ZNF385D: variants seen among roughly 807,000 people sequenced by gnomAD.
ZNF385D encodes the protein zinc finger protein 659.
ZNF385D carries 15 observed loss-of-function variants against 35.8 expected under a neutral mutation model. That is an observed-to-expected ratio of 0.42 (90% CI 0.28 to 0.64). ZNF385D has a LOEUF of 0.64. Ranked by LOEUF, ZNF385D falls within the 30% of genes least tolerant of loss-of-function variation. The pLI is 0.23. For synonymous variants in ZNF385D, 212 were observed against 186.8 expected (o/e 1.13, Z -1.10); for missense variants, 474 against 494.6 (o/e 0.96, Z 0.39).
intron 3 of ZNF385D, among the ~76,000 whole-genome samples, chr3:22,127,315 T>G (rs1246364053): frequency 1.2e-4 from 16 of 137,862 alleles, no homozygotes; most frequent in African/African-American, 4.0e-4. Context: ...TTTCATTTCC[T>G]GCTTTTTTTT....
intron 1 of ZNF385D, among the ~76,000 whole-genome samples, chr3:21,712,022 G>C (rs1575511235): frequency 6.6e-6 from 1 of 152,070 alleles, no homozygotes; most frequent in Admixed American, 6.6e-5. Flanking sequence ...TTATTTATTT[G>C]GTGAAGGATT....
chr3:21,609,898 A>T (rs2064614436), intron 2 of ZNF385D, among the ~76,000 whole-genome samples: 1 of 152,202 alleles, frequency 6.6e-6, no homozygotes. Flanking sequence ...GAGAGTCCTG[A>T]TGGGTATTTA....
intron 3 of ZNF385D, among the ~76,000 whole-genome samples, chr3:21,984,907 T>G (rs1016364752): frequency 1.5e-4 from 21 of 142,396 alleles, no homozygotes; most frequent in African/African-American, 5.2e-4. Flanking sequence ...GATTCCTAGG[T>G]ATTTTATTGT....
chr3:21,773,157 C>T (rs1442428997), intron 3 of ZNF385D, among the ~76,000 whole-genome samples: 1 of 151,732 alleles, frequency 6.6e-6, no homozygotes, highest in African/African-American at 2.4e-5. Flanking sequence ...ATTATGAATA[C>T]GTTTAATACC....
intron 2 of ZNF385D, among the ~76,000 whole-genome samples, chr3:21,650,357 T>C (rs1331910238): frequency 6.7e-6 from 1 of 149,842 alleles, no homozygotes; most frequent in Admixed American, 6.7e-5. Context: ...GTTGTTCTTT[T>C]AGCTTACTTG....
chr3:22,318,560 G>A (rs528577308), intron 2 of ZNF385D, among the ~76,000 whole-genome samples: 52 of 152,222 alleles, frequency 3.4e-4, no homozygotes, highest in African/African-American at 1.2e-3. Flanking sequence ...ATGAATTAGC[G>A]CTTAGTGAAT....
At chr3:21,731,019 G>A (rs1437045730) in intron 1 of ZNF385D, among the ~76,000 whole-genome samples, 1 of 151,794 alleles carries the variant, frequency 6.6e-6, no homozygotes, top group East Asian at 1.9e-4. Context: ...TAAACTTTTG[G>A]GAATATACAG....
intron 2 of ZNF385D, among the ~76,000 whole-genome samples, chr3:22,323,071 A>C (rs1052456042): frequency 5.3e-5 from 8 of 152,044 alleles, no homozygotes; most frequent in African/African-American, 1.9e-4. Context: ...AAATGCGTAA[A>C]AGTCCTCTGC....
chr3:21,697,166 G>T (rs1447480333), intron 1 of ZNF385D, among the ~76,000 whole-genome samples: 2 of 152,106 alleles, frequency 1.3e-5, no homozygotes, highest in Admixed American at 6.5e-5. Context: ...TTAAAGGGAG[G>T]TAGTAAAAGC....
intron 3 of ZNF385D, among the ~76,000 whole-genome samples, chr3:21,949,130 T>C (rs1701933545): frequency 6.6e-6 from 1 of 152,202 alleles, no homozygotes; most frequent in South Asian, 2.1e-4. Context: ...GACAATTCCT[T>C]TTATCATCTG....
At chr3:22,298,367 A>AGTAT (rs1273453521) in intron 2 of ZNF385D, among the ~76,000 whole-genome samples, 1 of 138,584 alleles carries the variant, frequency 7.2e-6, no homozygotes, top group Admixed American at 7.5e-5. Context: ...AGGAGAAAGC[A>AGTAT]GTATGTATGT....
intron 3 of ZNF385D, among the ~76,000 whole-genome samples, chr3:21,871,732 G>A (rs562708513): frequency 7.2e-5 from 11 of 152,058 alleles, no homozygotes; most frequent in East Asian, 1.9e-4. Flanking sequence ...CAGGCCGGGC[G>A]CAGTGGCTCA....
At chr3:21,531,575 C>A (rs1019677143) in intron 3 of ZNF385D, among the ~76,000 whole-genome samples, 1 of 152,098 alleles carries the variant, frequency 6.6e-6, no homozygotes, top group Non-Finnish European at 1.5e-5. Flanking sequence ...TTATTCAATG[C>A]TAAAAAGTAA....
chr3:21,623,563 A>G (rs1026963357), intron 2 of ZNF385D, among the ~76,000 whole-genome samples: 3 of 151,890 alleles, frequency 2.0e-5, no homozygotes, highest in African/African-American at 7.2e-5. Flanking sequence ...AAATCGCTTG[A>G]CCCCAGGAGT....
At chr3:21,826,137 C>G (rs1008970671) in intron 3 of ZNF385D, among the ~76,000 whole-genome samples, 2 of 152,168 alleles carry the variant, frequency 1.3e-5, no homozygotes, top group African/African-American at 4.8e-5. Flanking sequence ...TCTTAAGTTG[C>G]TTTGACCAGA....
At chr3:22,048,180 T>C (rs984801204) in intron 3 of ZNF385D, among the ~76,000 whole-genome samples, 2 of 152,178 alleles carry the variant, frequency 1.3e-5, no homozygotes, top group African/African-American at 4.8e-5. Context: ...TTTTTTCCTT[T>C]TCTGTAGGCT....
intron 2 of ZNF385D, among the ~76,000 whole-genome samples, chr3:22,285,061 T>C (rs1465273521): frequency 6.6e-6 from 1 of 152,154 alleles, no homozygotes; most frequent in Admixed American, 6.6e-5. Flanking sequence ...CACTTGAAAC[T>C]GGCCATATAC....
chr3:21,889,100 G>A (rs1195849503), intron 3 of ZNF385D, among the ~76,000 whole-genome samples: 1 of 152,206 alleles, frequency 6.6e-6, no homozygotes, highest in Non-Finnish European at 1.5e-5. Flanking sequence ...GAACAGTTTA[G>A]GGGATGCAGA....
chr3:21,870,767 G>A (rs1697648370), intron 3 of ZNF385D, among the ~76,000 whole-genome samples: 1 of 152,032 alleles, frequency 6.6e-6, no homozygotes, highest in African/African-American at 2.4e-5. Flanking sequence ...CTGTGAACTG[G>A]CTGTTAGCAT....
Sources: gnomAD v4.1 joint callset for allele counts (sites outside exome capture counted in the v4.1 genomes callset) on GRCh38, gnomAD v4.1.1 for gene constraint, MANE v1.5 for transcripts, NCBI Gene and HGNC (gene_info 2026-07-23, HGNC 2026-07-21) for gene names.